The following TTLL11 variants were observed in gnomAD, a reference collection of about 807,000 sequenced individuals.
TTLL11 encodes the protein tubulin polyglutamylase TTLL11.
TTLL11 carries 42 observed loss-of-function variants against 51.7 expected under a neutral mutation model. The observed-to-expected ratio is 0.81, with a 90% CI of 0.64 to 1.05. TTLL11 has a LOEUF of 1.05. Ranked by LOEUF, TTLL11 falls within the 50% of genes least tolerant of loss-of-function variation. The probability of loss-of-function intolerance (pLI) is 0.00; values close to 1 mark genes in which losing one functional copy is unlikely to be tolerated. For missense variants in TTLL11, 799 were observed against 940.4 expected (o/e 0.85, Z 1.97); for synonymous variants, 381 against 383.5 (o/e 0.99, Z 0.08).
chr9:122,058,795 A>G (rs936147147), intron 1 of TTLL11, among the ~76,000 whole-genome samples: 1 of 152,222 alleles, frequency 6.6e-6, no homozygotes, highest in Admixed American at 6.5e-5. Flanking sequence ...TTCCTCTACT[A>G]AGTATTTAAG....
chr9:121,953,236 C>T (rs1475212738), intron 6 of TTLL11, among the ~76,000 whole-genome samples: 1 of 152,052 alleles, frequency 6.6e-6, no homozygotes, highest in African/African-American at 2.4e-5. Context: ...TTCAAATGAG[C>T]ACGTCATAAT....
At chr9:121,973,478 G>A (rs1053710753) in intron 6 of TTLL11, among the ~76,000 whole-genome samples, 2 of 152,124 alleles carry the variant, frequency 1.3e-5, no homozygotes, top group African/African-American at 4.8e-5. Flanking sequence ...TGGCCTTGAG[G>A]GAGACAGCTT....
Position 121,928,099 on chromosome 9 carries a change from G to A in TTLL11, c.1481+45910C>T, listed in dbSNP as rs115033010. On this transcript the variant is annotated intron_variant, in intron 6 of 8. Coordinates refer to ENST00000321582, the MANE Select transcript of TTLL11 (RefSeq NM_001139442.2). ...GTATCTCAGTAGATGATGGAGAAGC[G>A]TGGGAGGGGCAGTACCAGAGGGGGC... 3.1e-3 allele frequency among the ~76,000 whole-genome samples: 466 copies of A among 152,264 alleles called. 2 individuals carry two copies. The highest frequency in any genetic ancestry group is 9.7e-3 in the African/African-American group (404 of 41,540).
At chr9:121,962,900 GT>G (rs1842282316) in intron 6 of TTLL11, among the ~76,000 whole-genome samples, 1 of 152,236 alleles carries the variant, frequency 6.6e-6, no homozygotes. Flanking sequence ...CTGCCCCAAA[GT>G]TTACAGACAG....
chr9:121,895,689 ATG>A (rs1279571658), intron 6 of TTLL11, among the ~76,000 whole-genome samples: 1 of 8,682 alleles, frequency 1.2e-4, no homozygotes, highest in Non-Finnish European at 2.4e-4. Flanking sequence ...GTCTGTGTGA[ATG>A]TGTGATTGTG....
chr9:122,029,133 C>T (rs1844443796), intron 3 of TTLL11, among the ~76,000 whole-genome samples: 1 of 152,150 alleles, frequency 6.6e-6, no homozygotes, highest in Non-Finnish European at 1.5e-5. Context: ...TACTGCACTG[C>T]CAGTTGTATA....
chr9:121,898,972 C>G (rs770196036), intron 6 of TTLL11, among the ~76,000 whole-genome samples: 1 of 152,166 alleles, frequency 6.6e-6, no homozygotes, highest in African/African-American at 2.4e-5. Flanking sequence ...CCTGATAACT[C>G]GGGAAATCTT....
intron 6 of TTLL11, among the ~76,000 whole-genome samples, chr9:121,957,249 GA>G (rs1023436711): frequency 6.6e-6 from 1 of 152,160 alleles, no homozygotes; most frequent in African/African-American, 2.4e-5. Flanking sequence ...GACTCTTCCA[GA>G]AACAGCCTGC....
intron 6 of TTLL11, among the ~76,000 whole-genome samples, chr9:121,951,758 TTTA>T (rs1841857901): frequency 6.6e-6 from 1 of 151,976 alleles, no homozygotes; most frequent in South Asian, 2.1e-4. Context: ...TGAAAGCGAG[TTTA>T]TTAAGAAAGT....
At chr9:122,018,922 C>T (rs780837589) in intron 3 of TTLL11, among the ~76,000 whole-genome samples, 7 of 152,210 alleles carry the variant, frequency 4.6e-5, no homozygotes, top group South Asian at 2.1e-4. Context: ...AGAGACTCCC[C>T]GAACAGCTAA....
At chr9:121,862,978 G>A (rs1001212687) in intron 7 of TTLL11, among the ~76,000 whole-genome samples, 10 of 152,110 alleles carry the variant, frequency 6.6e-5, no homozygotes, top group Non-Finnish European at 1.2e-4. Context: ...CATGTGCCCC[G>A]CATGGTGCCC....
intron 6 of TTLL11, among the ~76,000 whole-genome samples, chr9:121,956,841 T>G (rs1842034609): frequency 6.6e-6 from 1 of 152,200 alleles, no homozygotes; most frequent in African/African-American, 2.4e-5. Flanking sequence ...TGGTGCCCAC[T>G]AACGTTTGGG....
intron 3 of TTLL11, among the ~76,000 whole-genome samples, chr9:122,000,535 G>A (rs1843428910): frequency 7.0e-6 from 1 of 143,416 alleles, no homozygotes; most frequent in African/African-American, 2.6e-5. Flanking sequence ...CAAGAAGCCA[G>A]CTGAAACCCA....
chr9:121,971,155 G>C lies in TTLL11; in HGVS notation c.1481+2854C>G, dbSNP rs1250500992. Reference sequence around the variant, plus strand: ...CCCCGCCCGGCCAGCCGCCCCGTCCGGGAGGGAGGTAGGGGGGTCAGCCCC... The same window carrying C: ...CCCCGCCCGGCCAGCCGCCCCGTCCCGGAGGGAGGTAGGGGGGTCAGCCCC... On this transcript the variant is annotated intron_variant, in intron 6 of 8. Coordinates refer to ENST00000321582, the MANE Select transcript of TTLL11 (RefSeq NM_001139442.2). Among the ~76,000 whole-genome samples the C allele has an allele frequency of 1.2e-3, 86 of 74,608 alleles. 2 individuals are homozygous for C. The highest frequency in any genetic ancestry group is 1.7e-3 in the African/African-American group (39 of 22,896). 48.9% of individuals were successfully genotyped at this position (74,608 alleles called of 152,430 possible). A position where few individuals can be genotyped will look rare whatever the true frequency, so the allele number is the denominator to read the frequency against.
At chr9:121,851,620 A>G (rs1837665335) in intron 8 of TTLL11, among the ~76,000 whole-genome samples, 2 of 152,382 alleles carry the variant, frequency 1.3e-5, no homozygotes, top group African/African-American at 4.8e-5. Flanking sequence ...TACAGTCAGG[A>G]GACCTGGGTC....
chr9:121,866,064 A>C (rs1325065093), intron 7 of TTLL11, among the ~76,000 whole-genome samples: 1 of 152,232 alleles, frequency 6.6e-6, no homozygotes, highest in Non-Finnish European at 1.5e-5. Flanking sequence ...AGCAAGTTCA[A>C]CTTCTGCCAT....
At chr9:122,090,656 C>T (rs75126871) in intron 1 of TTLL11, among the ~76,000 whole-genome samples, 6,308 of 152,238 alleles carry the variant, frequency 0.041, 422 homozygotes, top group African/African-American at 0.14. Context: ...ATTCATTCAA[C>T]GAATATTTAT....
At chr9:121,901,944 A>C (rs1043983818) in intron 6 of TTLL11, among the ~76,000 whole-genome samples, 16 of 152,014 alleles carry the variant, frequency 1.1e-4, no homozygotes, top group African/African-American at 3.6e-4. Context: ...TCCTACATTA[A>C]ATTTTTTATT....
chr9:121,945,959 T>C (rs2131591110), intron 6 of TTLL11, among the ~76,000 whole-genome samples: 1 of 152,234 alleles, frequency 6.6e-6, no homozygotes, highest in South Asian at 2.1e-4. Context: ...TCCTTCCATC[T>C]TTCGAAAATA....
Sources: allele counts gnomAD v4.1 joint callset (sites outside exome capture counted in the v4.1 genomes callset), GRCh38; gene constraint gnomAD v4.1.1; transcripts MANE v1.5; gene names NCBI Gene and HGNC (gene_info 2026-07-23, HGNC 2026-07-21).